The following SIN3A variants were observed in gnomAD, a reference collection of about 807,000 sequenced individuals.
The protein encoded by SIN3A is paired amphipathic helix protein Sin3a.
Under a neutral mutation model 146.1 loss-of-function variants are expected in SIN3A, and 14 were observed. That is an observed-to-expected ratio of 0.10 (90% CI 0.06 to 0.15). The LOEUF is 0.15. SIN3A is among the 10% of genes least tolerant of loss of function. SIN3A has a pLI of 1.00. For missense variants in SIN3A, 1,028 were observed against 1,576.0 expected (o/e 0.65, Z 5.89); for synonymous variants, 572 against 572.0 (o/e 1.00, Z 0.00).
At chr15:75,404,948 A>C (rs2073482065) in intron 9 of SIN3A, among the ~76,000 whole-genome samples, 2 of 151,986 alleles carry the variant, frequency 1.3e-5, no homozygotes, top group African/African-American at 2.4e-5. Context: ...GTCTGAGACC[A>C]GCCAGGGCAA....
intron 3 of SIN3A, 185 bp downstream of exon 3, chr15:75,422,462 C>A: frequency 1.5e-6 from 1 of 673,168 alleles, no homozygotes; most frequent in Non-Finnish European, 2.6e-6. Context: ...ATATTCTTCT[C>A]TGGATCAGGC....
intron 3 of SIN3A, chr15:75,420,996 T>A (rs2141534525): frequency 6.6e-6 from 1 of 152,314 alleles, no homozygotes; most frequent in Middle Eastern, 3.4e-3. Context: ...AAACAAAACA[T>A]AATCCATATA....
At chr15:75,428,945 C>A (rs569216820) in intron 2 of SIN3A, among the ~76,000 whole-genome samples, 57 of 152,296 alleles carry the variant, frequency 3.7e-4, no homozygotes, top group African/African-American at 1.3e-3. Flanking sequence ...TCCACTTCCA[C>A]TTAATAAATG....
chr15:75,389,913 C>G, intron 15 of SIN3A, 92 bp from the exon 16 acceptor site: 1 of 1,244,554 alleles, frequency 8.0e-7, no homozygotes, highest in Non-Finnish European at 1.1e-6. Flanking sequence ...GCCTAAATGG[C>G]ATTTGAAAGT....
At chr15:75,396,650 T>C (rs1195904862) in intron 12 of SIN3A, among the ~76,000 whole-genome samples, 154 bp from the exon 13 acceptor site, 1 of 152,162 alleles carries the variant, frequency 6.6e-6, no homozygotes, top group African/African-American at 2.4e-5. Context: ...ATCAGCAAAA[T>C]AGGGATAACA....
At chr15:75,386,782 T>C (rs1037484603) in intron 16 of SIN3A, among the ~76,000 whole-genome samples, 4 of 152,234 alleles carry the variant, frequency 2.6e-5, no homozygotes, top group Non-Finnish European at 5.9e-5. Flanking sequence ...GGTTGCCTAT[T>C]GTATTCTTAA....
rs371018395 is a variant in SIN3A, at chr15:75,440,024, G to A, written c.-33-9616C>T. On this transcript the variant is annotated intron_variant, in intron 1 of 20. Transcript: ENST00000394947. ...AAATTAGCTGGGCGTGGTAGCGGGC[G>A]CCTGTAATCCCAGCAACTTTGGAGG... Among the ~76,000 whole-genome samples the A allele has an allele frequency of 6.9e-4, 104 of 151,508 alleles. 3 individuals are homozygous for A. In the South Asian group the frequency reaches 0.019, roughly 28 times the overall value.
intron 2 of SIN3A, among the ~76,000 whole-genome samples, chr15:75,426,345 T>G (rs760087806): frequency 6.6e-6 from 1 of 152,234 alleles, no homozygotes; most frequent in African/African-American, 2.4e-5. Context: ...CATTTCCTAC[T>G]TCAGCTGCAT....
intron 1 of SIN3A, among the ~76,000 whole-genome samples, chr15:75,445,575 T>C (rs569630166): frequency 1.4e-5 from 2 of 142,192 alleles, no homozygotes; most frequent in East Asian, 5.2e-4. Context: ...CGTCTCAAAA[T>C]AAATAAATAA....
chr15:75,430,399 A>G lies in SIN3A; in HGVS notation c.-24T>C. 3 of 1,586,406 alleles carry G rather than the reference A, an allele frequency of 1.9e-6. No homozygotes were observed. The highest frequency in any genetic ancestry group is 2.2e-5 in the East Asian group (1 of 44,500). The stretch of plus-strand genomic sequence containing the variant: ...ATTCTGTGCTCATGCTCAGGGATGC[A>G]CTACAAAACCTGCAGAAACCAAAAG... On this transcript the variant is annotated 5_prime_UTR_variant, in exon 2 of 21. Coordinates refer to ENST00000394947, the MANE Select transcript of SIN3A (RefSeq NM_001145358.2).
chr15:75,413,598 C>T (rs2073683038), intron 4 of SIN3A, among the ~76,000 whole-genome samples: 1 of 150,220 alleles, frequency 6.7e-6, no homozygotes, highest in Admixed American at 6.7e-5. Context: ...GGCTGGAGTG[C>T]AGTAGCACAA....
intron 3 of SIN3A, chr15:75,422,058 A>G (rs1029186479): frequency 6.5e-6 from 1 of 152,918 alleles, no homozygotes; most frequent in Non-Finnish European, 1.5e-5. Flanking sequence ...ATTCATAAAC[A>G]GGAATAAAAA....
At chr15:75,437,290 A>G (rs2074124385) in intron 1 of SIN3A, among the ~76,000 whole-genome samples, 3 of 151,614 alleles carry the variant, frequency 2.0e-5, no homozygotes, top group South Asian at 2.1e-4. Flanking sequence ...CTCCCACCTC[A>G]GCCTCCCAAG....
At chr15:75,430,445 C>T in intron 1 of SIN3A, 37 bp from the exon 2 acceptor site, 3 of 1,487,274 alleles carry the variant, frequency 2.0e-6, no homozygotes, top group Non-Finnish European at 2.7e-6. Flanking sequence ...CAAGTCAATT[C>T]TCACTCCAGT....
chr15:75,399,971 G>A (rs1239909680), intron 12 of SIN3A, 69 bp downstream of exon 12: 8 of 858,450 alleles, frequency 9.3e-6, no homozygotes, highest in East Asian at 2.4e-5. Flanking sequence ...AACCCTCAGA[G>A]ACAGGTACTG....
intron 15 of SIN3A, among the ~76,000 whole-genome samples, chr15:75,391,627 C>T (rs2073203636): frequency 6.6e-6 from 1 of 152,176 alleles, no homozygotes; most frequent in South Asian, 2.1e-4. Flanking sequence ...ATGACGTGAA[C>T]TGGAAGCAGG....
At chr15:75,427,372 C>CA (rs1299781211) in intron 2 of SIN3A, among the ~76,000 whole-genome samples, 1 of 137,538 alleles carries the variant, frequency 7.3e-6, no homozygotes, top group African/African-American at 2.7e-5. Context: ...GACACCATCT[C>CA]AAAAAAATAA....
chr15:75,375,856 G>A lies in SIN3A; in HGVS notation c.3400C>T (p.Arg1134Trp), dbSNP rs756123555. 9 of 1,613,890 alleles carry A rather than the reference G, an allele frequency of 5.6e-6. No homozygotes were observed. The South Asian group carries it at 6.6e-5, about 12-fold the overall frequency. Residue 1134 changes from arginine (R) to tryptophan (W), a missense_variant, in exon 20 of 21, where the codon CGG becomes TGG. By Grantham distance (101) the Arg-to-Trp change is moderately radical (BLOSUM62 -3). Coordinates refer to ENST00000394947, the MANE Select transcript of SIN3A (RefSeq NM_001145358.2). ...VFLPRNLRRI[R>W]KCQRGREQQE... The stretch of plus-strand genomic sequence containing the variant: ...TGCTCTCGACCACGTTGACACTTCC[G>A]GATCCGCCGTAGATTCCTATTGCAG...
At chr15:75,411,951 T>C (rs1407073870) in intron 5 of SIN3A, among the ~76,000 whole-genome samples, 1 of 152,218 alleles carries the variant, frequency 6.6e-6, no homozygotes. Context: ...CAGTCTCACA[T>C]TTTCTAAATA....
Sources: allele counts gnomAD v4.1 joint callset (sites outside exome capture counted in the v4.1 genomes callset), GRCh38; gene constraint gnomAD v4.1.1; transcripts MANE v1.5; gene names NCBI Gene and HGNC (gene_info 2026-07-23, HGNC 2026-07-21).